The following GALNTL6 variants were observed in gnomAD, a reference collection of about 807,000 sequenced individuals.
GALNTL6 encodes polypeptide N-acetylgalactosaminyltransferase like 6.
A neutral mutation model predicts 73.7 loss-of-function variants in GALNTL6; 46 were observed. The ratio of observed to expected loss-of-function variants is 0.62; its 90% CI spans 0.49 to 0.80. The LOEUF is 0.80. Among genes scored for constraint, GALNTL6 ranks in the 30% least tolerant of loss-of-function variants. The pLI, the probability that GALNTL6 is intolerant of heterozygous loss-of-function variation, is 0.00. For synonymous variants in GALNTL6, 259 were observed against 263.7 expected, an observed-to-expected ratio of 0.98 and a Z score of 0.17; for missense variants, 604 against 755.0, an observed-to-expected ratio of 0.80 and a Z score of 2.34.
At chr4:171,992,893 T>A (rs1274792572) in intron 2 of GALNTL6, among the ~76,000 whole-genome samples, 1 of 152,090 alleles carries the variant, frequency 6.6e-6, no homozygotes, top group Admixed American at 6.6e-5. Context: ...AATCTCATAC[T>A]ATGCCTTCAG....
intron 2 of GALNTL6, among the ~76,000 whole-genome samples, chr4:171,922,072 ATGTG>A (rs140433711): frequency 2.7e-5 from 4 of 148,620 alleles, no homozygotes; most frequent in African/African-American, 4.9e-5. Context: ...GTTTCATAGT[ATGTG>A]TGTGTGTGTG....
chr4:172,868,117 T>G (rs1226977827), intron 7 of GALNTL6, among the ~76,000 whole-genome samples: 2 of 152,220 alleles, frequency 1.3e-5, no homozygotes, highest in Admixed American at 6.5e-5. Flanking sequence ...TTCTATTCTA[T>G]TTACAGCCAA....
intron 4 of GALNTL6, among the ~76,000 whole-genome samples, chr4:172,343,332 G>A (rs1011856380): frequency 2.6e-5 from 4 of 152,174 alleles, no homozygotes; most frequent in African/African-American, 9.6e-5. Context: ...TAATGTTTAA[G>A]TGATGGTGAA....
intron 2 of GALNTL6, among the ~76,000 whole-genome samples, chr4:172,154,784 G>A (rs1460353747): frequency 1.3e-5 from 2 of 152,174 alleles, no homozygotes; most frequent in Non-Finnish European, 2.9e-5. Flanking sequence ...AGATCTGGTG[G>A]AAAGCTGGAA....
chr4:172,022,758 T>C (rs1741444655), intron 2 of GALNTL6, among the ~76,000 whole-genome samples: 1 of 152,006 alleles, frequency 6.6e-6, no homozygotes, highest in Non-Finnish European at 1.5e-5. Flanking sequence ...TCCTCTCATG[T>C]CTAGTCACAG....
At chr4:172,111,255 C>G (rs1349675904) in intron 2 of GALNTL6, among the ~76,000 whole-genome samples, 1 of 151,970 alleles carries the variant, frequency 6.6e-6, no homozygotes, top group Non-Finnish European at 1.5e-5. Flanking sequence ...TAATACAGAA[C>G]AGACCACCCA....
In GALNTL6 at chr4:172,248,927, C is replaced by T. The variant is rs913073258; in HGVS notation, c.247+19163C>T. ...AAACCTATTTCCTTTGTAAATTACCCAGTCTCAGGTATTTCTTCATAGCAA... is the reference window on the plus strand; with the variant it reads ...AAACCTATTTCCTTTGTAAATTACCTAGTCTCAGGTATTTCTTCATAGCAA... On this transcript the variant is annotated intron_variant, in intron 3 of 12. Coordinates refer to ENST00000506823, the MANE Select transcript of GALNTL6 (RefSeq NM_001034845.3). Among the ~76,000 whole-genome samples, 3 of 152,238 alleles carry T rather than the reference C, an allele frequency of 2.0e-5. No homozygotes were observed. The South Asian group carries it at 6.2e-4, about 32-fold the overall frequency.
At chr4:173,010,618 C>T (rs984300935) in intron 11 of GALNTL6, among the ~76,000 whole-genome samples, 9 of 151,626 alleles carry the variant, frequency 5.9e-5, no homozygotes, top group Non-Finnish European at 1.0e-4. Flanking sequence ...TGTTTTTAAA[C>T]GGAGTCTCGC....
chr4:172,584,589 T>C (rs1737330444), intron 5 of GALNTL6, among the ~76,000 whole-genome samples: 1 of 152,184 alleles, frequency 6.6e-6, no homozygotes, highest in Non-Finnish European at 1.5e-5. Context: ...ATGGACATGC[T>C]TCTTATTAGG....
intron 2 of GALNTL6, among the ~76,000 whole-genome samples, chr4:172,217,505 C>G (rs2110940279): frequency 6.6e-6 from 1 of 152,292 alleles, no homozygotes; most frequent in East Asian, 1.9e-4. Context: ...ATTGACAAAT[C>G]TTCAAGCCCA....
intron 2 of GALNTL6, among the ~76,000 whole-genome samples, chr4:171,951,806 A>G (rs555993797): frequency 2.0e-5 from 3 of 152,170 alleles, no homozygotes; most frequent in East Asian, 3.9e-4. Flanking sequence ...CACTTCTACT[A>G]ATAGTATAGA....
intron 3 of GALNTL6, among the ~76,000 whole-genome samples, chr4:172,297,836 C>G (rs1286899406): frequency 6.6e-6 from 1 of 151,968 alleles, no homozygotes; most frequent in East Asian, 1.9e-4. Context: ...GCAATGTGGG[C>G]TCTTTTTTGG....
At chr4:172,670,600 T>C (rs1731920481) in intron 5 of GALNTL6, among the ~76,000 whole-genome samples, 1 of 146,702 alleles carries the variant, frequency 6.8e-6, no homozygotes, top group African/African-American at 2.8e-5. Context: ...TTCCATAGGT[T>C]GTCTGTTCAC....
At chr4:171,991,724 GTGTGTGTATA>G (rs1195853852) in intron 2 of GALNTL6, among the ~76,000 whole-genome samples, 3 of 26,762 alleles carry the variant, frequency 1.1e-4, no homozygotes, top group South Asian at 1.8e-3. Flanking sequence ...GTGTGTGTGT[GTGTGTGTATA>G]TATATATATA....
intron 7 of GALNTL6, among the ~76,000 whole-genome samples, chr4:172,827,821 T>G (rs762468986): frequency 2.6e-5 from 4 of 152,120 alleles, no homozygotes; most frequent in Admixed American, 6.5e-5. Flanking sequence ...GAAGAAAAAT[T>G]TTATCAATAA....
rs756182348 is a variant in GALNTL6 at position 171,828,654 on chromosome 4, C to A, written c.138+13936C>A. 1.8e-3 allele frequency among the ~76,000 whole-genome samples: 279 copies of A among 152,254 alleles called. 3 individuals are homozygous for A. Among genetic ancestry groups the A allele is most frequent in the Non-Finnish European group, 1.1e-3 (77 of 68,006 alleles). ...TTTGTTTGTTAGATGGAGTCTCCCT[C>A]CATCGCCCAGGCTGGAGTGCAGTGG... is the stretch of plus-strand genomic sequence containing the variant. On this transcript the variant is annotated intron_variant, in intron 2 of 12. Coordinates refer to ENST00000506823, the MANE Select transcript of GALNTL6 (RefSeq NM_001034845.3).
At chr4:171,968,556 A>G (rs536671275) in intron 2 of GALNTL6, among the ~76,000 whole-genome samples, 2 of 152,216 alleles carry the variant, frequency 1.3e-5, no homozygotes, top group African/African-American at 4.8e-5. Flanking sequence ...TACCTTTATT[A>G]CATCTGCAAA....
At chr4:172,091,847 A>G (rs1192665690) in intron 2 of GALNTL6, among the ~76,000 whole-genome samples, 21 of 152,232 alleles carry the variant, frequency 1.4e-4, no homozygotes, top group Admixed American at 1.4e-3. Context: ...AGTGAGAGAG[A>G]CAGAGAAAAG....
chr4:172,544,629 C>T (rs1298990722), intron 5 of GALNTL6, among the ~76,000 whole-genome samples: 1 of 152,102 alleles, frequency 6.6e-6, no homozygotes, highest in Non-Finnish European at 1.5e-5. Context: ...AAGGAAAATA[C>T]AATTACTTTT....
Sources: allele counts gnomAD v4.1 joint callset (sites outside exome capture counted in the v4.1 genomes callset), GRCh38; gene constraint gnomAD v4.1.1; transcripts MANE v1.5; gene names NCBI Gene and HGNC (gene_info 2026-07-23, HGNC 2026-07-21).